NKIRAS1: variants seen among roughly 807,000 people sequenced by gnomAD.
The protein encoded by NKIRAS1 is NFKB inhibitor interacting Ras like 1.
In NKIRAS1, 16 loss-of-function variants were observed where a neutral mutation model predicts 19.8. The ratio of observed to expected loss-of-function variants is 0.81; its 90% CI spans 0.55 to 1.23. The LOEUF (loss-of-function observed/expected upper bound fraction) is 1.23. Among genes scored for constraint, NKIRAS1 ranks in the 50% most tolerant of loss-of-function variants. NKIRAS1 has a pLI of 0.00. For synonymous variants in NKIRAS1, 88 were observed against 79.0 expected (o/e 1.11, Z -0.61); for missense variants, 184 against 220.0 (o/e 0.84, Z 1.04).
upstream of NKIRAS1, chr3:23,920,184 C>G (rs1324858650): frequency 2.0e-6 from 2 of 985,492 alleles, no homozygotes; most frequent in South Asian, 9.4e-5. Flanking sequence ...AAATACCTTT[C>G]AAGTGTGAGC....
At chr3:23,944,557 A>G (rs1024652601) in intron 1 of NKIRAS1, among the ~76,000 whole-genome samples, 1 of 152,146 alleles carries the variant, frequency 6.6e-6, no homozygotes, top group Non-Finnish European at 1.5e-5. Flanking sequence ...TTCAAGGTGA[A>G]ACGCCCAGAT....
intron 4 of NKIRAS1, among the ~76,000 whole-genome samples, chr3:23,899,105 A>G (rs1372430361): frequency 6.6e-6 from 1 of 152,186 alleles, no homozygotes; most frequent in African/African-American, 2.4e-5. Context: ...GATTTATATA[A>G]CAATCTTGAA....
chr3:23,910,873 C>T lies in NKIRAS1; in HGVS notation c.32G>A (p.Gly11Glu). The T allele has an allele frequency of 6.2e-7, 1 of 1,614,142 alleles. No homozygotes were observed. The highest frequency in any genetic ancestry group is 8.5e-7 in the Non-Finnish European group (1 of 1,180,012). ...TGCAGTTTTCCCCACAGATAACAAT[C>T]CACAAACCACAACCTTGCAGCCCTT... The part of the protein sequence containing the change: MGKGCKVVVC[G>E]LLSVGKTAIL... The change falls in exon 3 of 5, where the codon GGA (glycine) becomes GAA (glutamate). Residue 11 changes from glycine (G) to glutamate (E), a missense_variant. By Grantham distance (98) the Gly-to-Glu change is moderately conservative (BLOSUM62 -2). Coordinates refer to ENST00000425478, the MANE Select transcript of NKIRAS1 (RefSeq NM_020345.4).
At chr3:23,925,637 A>AAAT (rs1553646004) in intron 1 of NKIRAS1, among the ~76,000 whole-genome samples, 1 of 151,338 alleles carries the variant, frequency 6.6e-6, no homozygotes, top group African/African-American at 2.4e-5. Context: ...CTGTCTCAAA[A>AAAT]AAATAAATAA....
At chr3:23,945,966 C>T (rs1705676699) in intron 1 of NKIRAS1, among the ~76,000 whole-genome samples, 1 of 151,442 alleles carries the variant, frequency 6.6e-6, no homozygotes, top group Admixed American at 6.6e-5. Flanking sequence ...CGGGCGGGGA[C>T]ACGTGAGGCC....
In NKIRAS1 at chr3:23,930,159, G is replaced by A. The variant is rs371604141; in HGVS notation, c.-140+16164C>T. Among the ~76,000 whole-genome samples, 4 of 152,318 alleles carry A rather than the reference G, an allele frequency of 2.6e-5. No homozygotes were observed. In the South Asian group the frequency reaches 8.3e-4, roughly 32 times the overall value. ...TCTGGAAGAACATGGGGAATCCAGAGAGAGTGTCACATTGAGAGCTGCTTC... is the reference window on the plus strand; with the variant it reads ...TCTGGAAGAACATGGGGAATCCAGAAAGAGTGTCACATTGAGAGCTGCTTC... On this transcript the variant is annotated intron_variant, in intron 1 of 4. Coordinates refer to the NKIRAS1 transcript ENST00000421515.
At chr3:23,918,100 G>A (rs1704772636), upstream of NKIRAS1, 3 of 1,537,538 alleles carry the variant, frequency 2.0e-6, no homozygotes, top group Non-Finnish European at 2.6e-6. Context: ...CAGCTGTTAG[G>A]AAGACACTGC....
At chr3:23,941,818 G>A (rs1272109001) in intron 1 of NKIRAS1, among the ~76,000 whole-genome samples, 1 of 152,120 alleles carries the variant, frequency 6.6e-6, no homozygotes, top group African/African-American at 2.4e-5. Context: ...AAACGCTGAG[G>A]CTCATAGACA....
intron 1 of NKIRAS1, among the ~76,000 whole-genome samples, chr3:23,945,747 A>G (rs1291162109): frequency 1.3e-5 from 2 of 149,456 alleles, no homozygotes; most frequent in Non-Finnish European, 3.0e-5. Context: ...CTCGGTTCCC[A>G]TCGCCCCCCG....
chr3:23,909,477 A>C (rs1703425463), intron 3 of NKIRAS1, among the ~76,000 whole-genome samples: 1 of 152,226 alleles, frequency 6.6e-6, no homozygotes, highest in South Asian at 2.1e-4. Flanking sequence ...CAGTGAGCCG[A>C]GATTGCACCA....
In NKIRAS1 at chr3:23,946,178, A is replaced by C. The variant is rs891910375; in HGVS notation, c.-140+145T>G. 3.3e-5 allele frequency: 33 copies of C among 985,096 alleles called. No homozygotes were observed. In the African/African-American group the frequency reaches 5.4e-4, roughly 16 times the overall value. The allele number at this position is 985,096 out of a possible 1,614,324, so 61.0% of individuals were successfully genotyped here. A position where few individuals can be genotyped will look rare whatever the true frequency, so the allele number is the denominator to read the frequency against. Reference sequence around the variant, plus strand: ...GGAGGCCGCGCGTGCGCGCCCGCTGAGCCCCCGCGGCGGGGCGTCCCCGAA... The same window carrying C: ...GGAGGCCGCGCGTGCGCGCCCGCTGCGCCCCCGCGGCGGGGCGTCCCCGAA... On this transcript the variant is annotated intron_variant, in intron 1 of 4. Transcript: ENST00000421515.
upstream of NKIRAS1, chr3:23,919,294 T>A: frequency 6.2e-7 from 1 of 1,607,944 alleles, no homozygotes; most frequent in Non-Finnish European, 8.5e-7. Context: ...TCCTCATTGA[T>A]CCATTCCATA....
upstream of NKIRAS1, chr3:23,921,575 T>TG (rs1559513555): frequency 3.1e-5 from 17 of 547,066 alleles, no homozygotes; most frequent in Admixed American, 2.4e-4. Flanking sequence ...ATTGAGTTTT[T>TG]TTTTTTTTTT....
chr3:23,943,054 C>T (rs144714984), intron 1 of NKIRAS1, among the ~76,000 whole-genome samples: 322 of 152,274 alleles, frequency 2.1e-3, no homozygotes, highest in African/African-American at 7.2e-3. Context: ...TGCGCCCTGC[C>T]AGGGCTCACT....
intron 1 of NKIRAS1, among the ~76,000 whole-genome samples, chr3:23,935,817 C>T (rs1477758862): frequency 1.3e-5 from 2 of 152,016 alleles, no homozygotes; most frequent in African/African-American, 4.8e-5. Context: ...TGGCTCATCA[C>T]GCCTGTAATC....
chr3:23,943,601 TC>T (rs1318391541), intron 1 of NKIRAS1, among the ~76,000 whole-genome samples: 1 of 152,278 alleles, frequency 6.6e-6, no homozygotes, highest in African/African-American at 2.4e-5. Flanking sequence ...AGTGGTATCC[TC>T]TTTTATGATT....
At chr3:23,931,713 AGAGAGAG>A (rs1705318640) in intron 1 of NKIRAS1, among the ~76,000 whole-genome samples, 1 of 46,848 alleles carries the variant, frequency 2.1e-5, no homozygotes, top group Non-Finnish European at 7.5e-5. Context: ...GAAAGGAAGG[AGAGAGAG>A]AGAGAGAGAG....
At chr3:23,940,138 C>T (rs1705465467) in intron 1 of NKIRAS1, among the ~76,000 whole-genome samples, 1 of 143,874 alleles carries the variant, frequency 7.0e-6, no homozygotes, top group Non-Finnish European at 1.5e-5. Flanking sequence ...CAAGACTAGC[C>T]TGGCAACACA....
At chr3:23,921,566 T>A, upstream of NKIRAS1, 2 of 675,116 alleles carry the variant, frequency 3.0e-6, no homozygotes, top group Non-Finnish European at 2.6e-6. Context: ...ACATTGATTA[T>A]TGAGTTTTTT....
Sources: gnomAD v4.1 joint callset for allele counts (sites outside exome capture counted in the v4.1 genomes callset) on GRCh38, gnomAD v4.1.1 for gene constraint, MANE v1.5 for transcripts, NCBI Gene and HGNC (gene_info 2026-07-23, HGNC 2026-07-21) for gene names.